RYR1: variants seen among roughly 807,000 people sequenced by gnomAD.
RYR1 encodes the protein ryanodine receptor 1.
RYR1 carries 342 observed loss-of-function variants against 583.5 expected under a neutral mutation model. The observed-to-expected ratio is 0.59, with a 90% CI of 0.54 to 0.64. The LOEUF is 0.64. Ranked by LOEUF, RYR1 falls within the 30% of genes least tolerant of loss-of-function variation. The probability of loss-of-function intolerance (pLI) is 0.00; values close to 1 mark genes in which losing one functional copy is unlikely to be tolerated. For synonymous variants in RYR1, 2,791 were observed against 2,822.5 expected (o/e 0.99, Z 0.35); for missense variants, 6,032 against 6,917.2 (o/e 0.87, Z 4.54).
At position 38,587,541 on chromosome 19, in the gene RYR1, A is replaced by T; in HGVS notation, c.*121A>T. On this transcript the variant is annotated 3_prime_UTR_variant, in exon 106 of 106. Transcript: ENST00000359596. ...GAGAGGTGACCTAGTACTGGAAAATAAATCTGTGCTACGCCCCCCAGCATC... is the reference window on the plus strand; with the variant it reads ...GAGAGGTGACCTAGTACTGGAAAATTAATCTGTGCTACGCCCCCCAGCATC... 1.2e-6 allele frequency: 1 copy of T among 811,758 alleles called. No individual in the cohort carries two copies. 50.3% of individuals were successfully genotyped at this position (811,758 alleles called of 1,614,324 possible). A position where few individuals can be genotyped will look rare whatever the true frequency, so the allele number is the denominator to read the frequency against.
rs1177120219 is a variant in RYR1, at chr19:38,565,544, G to A, written c.13210G>A (p.Asp4404Asn). ...GCCGGCCGGGCCGGGCGGAGACGCA[G>A]ACGGCGAGGGTGCCAGCGAGGGCGC... ...EQPAGPGGDA[D>N]GEGASEGAGD... Residue 4404 changes from aspartate to asparagine, a missense_variant, in exon 91 of 106, where the codon GAC becomes AAC. By Grantham distance (23) the Asp-to-Asn change is conservative. Around this residue, in one of 11 missense-constraint regions of RYR1, gnomAD observed 753 missense variants for 759.6 expected, o/e 0.99. Coordinates refer to ENST00000359596, the MANE Select transcript of RYR1 (RefSeq NM_000540.3). This position sits in a 1 kb window ranked among gnomAD's most constrained non-coding sequence, Gnocchi z 4.7. The A allele has an allele frequency of 1.3e-6, 2 of 1,494,534 alleles. No homozygotes were observed. The highest frequency in any genetic ancestry group is 5.6e-5 in the East Asian group (2 of 35,830). 92.6% of individuals were successfully genotyped at this position (1,494,534 alleles called of 1,614,324 possible).
At chr19:38,549,302 T>C (rs1601006545) in intron 89 of RYR1, among the ~76,000 whole-genome samples, 1 of 152,098 alleles carries the variant, frequency 6.6e-6, no homozygotes, top group Admixed American at 6.6e-5. Context: ...CATTAACCAC[T>C]AACTATTGGC....
intron 23 of RYR1, among the ~76,000 whole-genome samples, chr19:38,465,713 G>A (rs1968059956): frequency 6.6e-6 from 1 of 151,186 alleles, no homozygotes; most frequent in South Asian, 2.1e-4. Flanking sequence ...GCAGTGAGCC[G>A]AGATCGTGCC....
chr19:38,462,611 G>A (rs1967815532), intron 20 of RYR1, among the ~76,000 whole-genome samples: 1 of 152,300 alleles, frequency 6.6e-6, no homozygotes, highest in East Asian at 1.9e-4. Flanking sequence ...GCCAGGCATC[G>A]ATATTAACTA....
chr19:38,488,513 T>C (rs1862160927), intron 34 of RYR1, among the ~76,000 whole-genome samples: 1 of 152,164 alleles, frequency 6.6e-6, no homozygotes, highest in African/African-American at 2.4e-5. Flanking sequence ...TAATTTATTT[T>C]GTTTTTGAGA....
intron 101 of RYR1, among the ~76,000 whole-genome samples, chr19:38,582,657 A>T (rs778802135): frequency 3.9e-5 from 6 of 151,994 alleles, no homozygotes; most frequent in Admixed American, 3.9e-4. Flanking sequence ...TGTCAAGTTT[A>T]AAAAAAAGTT....
rs1313853172 is a variant in RYR1, at chr19:38,477,606, A to G, written c.4294-104A>G. On this transcript the variant is annotated intron_variant, in intron 29 of 105. Coordinates refer to ENST00000359596, the MANE Select transcript of RYR1 (RefSeq NM_000540.3). ...CTCAGATCCAACAACTTCCTGTTAA[A>G]CTCCCAGAGGACCCAACAGTCCAGG... The G allele has an allele frequency of 4.2e-6, 6 of 1,433,748 alleles. No homozygotes were observed. In the East Asian group the frequency reaches 1.1e-4, roughly 27 times the overall value. The allele number at this position is 1,433,748 out of a possible 1,614,324, so 88.8% of individuals were successfully genotyped here.
chr19:38,467,736 G>T lies in RYR1; in HGVS notation c.3305G>T (p.Gly1102Val). 6.2e-7 allele frequency: 1 copy of T among 1,614,236 alleles called. No individual in the cohort carries two copies. Among genetic ancestry groups the T allele is most frequent in the Non-Finnish European group, 8.5e-7 (1 of 1,180,042 alleles). The change falls in exon 25 of 106, where the codon GGC becomes GTC. Residue 1102 changes from glycine to valine, a missense_variant. Transcript: ENST00000359596. ...GTCACCACAGGCGAGATGCGCGTGG[G>T]CTGGGCGAGGCCCGAGCTGAGGCCT... Reference protein sequence around the residue: ...EAVTTGEMRVGWARPELRPDV... With the variant: ...EAVTTGEMRVVWARPELRPDV...
intron 24 of RYR1, among the ~76,000 whole-genome samples, chr19:38,466,858 C>A (rs1968139742): frequency 6.6e-6 from 1 of 152,256 alleles, no homozygotes; most frequent in South Asian, 2.1e-4. Context: ...AAAGGACTGA[C>A]CCCTCCCCGA....
chr19:38,433,719 T>C lies in RYR1; in HGVS notation c.-111T>C. The C allele has an allele frequency of 1.2e-6, 1 of 805,272 alleles. No individual in the cohort carries two copies. Among genetic ancestry groups the C allele is most frequent in the Non-Finnish European group, 2.1e-6 (1 of 472,342 alleles). The allele number at this position is 805,272 out of a possible 1,614,324, so 49.9% of individuals were successfully genotyped here. On this transcript the variant is annotated 5_prime_UTR_variant, in exon 1 of 106. Coordinates refer to ENST00000359596, the MANE Select transcript of RYR1 (RefSeq NM_000540.3). ...GTTCCATCTACCTCGCGGGTGCCTC[T>C]GGTGTCTCCAGAGGTCTCCGACCCC...
intron 34 of RYR1, 71 bp from the exon 35 acceptor site, chr19:38,489,106 G>T: frequency 7.3e-7 from 1 of 1,376,568 alleles, no homozygotes; most frequent in Admixed American, 1.7e-5. Flanking sequence ...GGCAGGTCTG[G>T]AGAATGAGGC....
At chr19:38,450,775 A>G (rs1161642594) in intron 11 of RYR1, among the ~76,000 whole-genome samples, 1 of 151,504 alleles carries the variant, frequency 6.6e-6, no homozygotes, top group Non-Finnish European at 1.5e-5. Flanking sequence ...CGTGGAAACA[A>G]TAAATAAATA....
At chr19:38,541,472 T>G (rs1382165373) in intron 84 of RYR1, among the ~76,000 whole-genome samples, 1 of 152,048 alleles carries the variant, frequency 6.6e-6, no homozygotes, top group East Asian at 1.9e-4. Flanking sequence ...TCCCAGCACT[T>G]TGGGAGGCCG....
chr19:38,586,897 G>A (rs1479664356), intron 105 of RYR1, among the ~76,000 whole-genome samples: 2 of 152,156 alleles, frequency 1.3e-5, no homozygotes, highest in Non-Finnish European at 2.9e-5. Flanking sequence ...CTTGAACCCA[G>A]GAGGCAGAAG....
chr19:38,441,440 A>G (rs1220829324), intron 2 of RYR1, among the ~76,000 whole-genome samples: 6 of 51,356 alleles, frequency 1.2e-4, no homozygotes, highest in African/African-American at 1.6e-4. Context: ...TGAGATGCGG[A>G]GGGCATCTGA....
At chr19:38,573,993 C>T (rs945400426) in intron 96 of RYR1, among the ~76,000 whole-genome samples, 1 of 152,098 alleles carries the variant, frequency 6.6e-6, no homozygotes, top group African/African-American at 2.4e-5. Context: ...GTAATCCCAA[C>T]ACTTGGGAGG....
In RYR1 at chr19:38,494,853, CTT is replaced by C. The variant is rs1226486711; in HGVS notation, c.6548+242_6548+243del. ...TCAGCAGGACATTCCCCACCCCCCC[CTT>C]TTTTTTTTTTTTTGTGAGACTGAGT... is the stretch of plus-strand genomic sequence containing the variant. On this transcript the variant is annotated intron_variant, in intron 39 of 105. Coordinates refer to ENST00000359596, the MANE Select transcript of RYR1 (RefSeq NM_000540.3). Among the ~76,000 whole-genome samples, 1,378 of 127,308 alleles carry C rather than the reference CTT, an allele frequency of 0.011. 8 individuals carry two copies. The highest frequency in any genetic ancestry group is 0.04 in the African/African-American group (1,294 of 32,626). The allele number at this position is 127,308 out of a possible 152,430, so 83.5% of individuals were successfully genotyped here. A position where few individuals can be genotyped will look rare whatever the true frequency, so the allele number is the denominator to read the frequency against.
intron 90 of RYR1, among the ~76,000 whole-genome samples, chr19:38,563,875 G>T (rs1317017045): frequency 6.6e-6 from 1 of 152,172 alleles, no homozygotes; most frequent in African/African-American, 2.4e-5. Flanking sequence ...CACCTTGTCT[G>T]TGTCACCTGG....
intron 84 of RYR1, among the ~76,000 whole-genome samples, chr19:38,539,730 A>C (rs1600976216): frequency 6.6e-6 from 1 of 152,182 alleles, no homozygotes; most frequent in Non-Finnish European, 1.5e-5. Flanking sequence ...TATTTGAAAT[A>C]TCTTTCAAAT....
Sources: allele counts gnomAD v4.1 joint callset (sites outside exome capture counted in the v4.1 genomes callset), GRCh38; gene constraint gnomAD v4.1.1; regional missense constraint gnomAD v4.1.1; non-coding constraint Gnocchi (gnomAD v3.1); transcripts MANE v1.5; gene names NCBI Gene and HGNC (gene_info 2026-07-23, HGNC 2026-07-21).